RAD51B: variants seen among roughly 807,000 people sequenced by gnomAD.
RAD51B encodes DNA repair protein RAD51 homolog 2.
Under a neutral mutation model 42.2 loss-of-function variants are expected in RAD51B, and 38 were observed. That is an observed-to-expected ratio of 0.90 (90% confidence interval 0.70 to 1.18). The LOEUF is 1.18. Among genes scored for constraint, RAD51B ranks in the 50% most tolerant of loss-of-function variants. RAD51B has a pLI of 0.00. For missense variants in RAD51B, 373 were observed against 400.7 expected (o/e 0.93, Z 0.59); for synonymous variants, 154 against 145.2 (o/e 1.06, Z -0.43).
At chr14:68,616,039 A>G (rs1891818646), downstream of RAD51B, among the ~76,000 whole-genome samples, 1 of 151,440 alleles carries the variant, frequency 6.6e-6, no homozygotes, top group African/African-American at 2.4e-5. Context: ...TTGTTATTTC[A>G]TTTTATCTAG....
intron 7 of RAD51B, among the ~76,000 whole-genome samples, chr14:67,947,699 G>C (rs554433072): frequency 6.6e-6 from 1 of 152,226 alleles, no homozygotes; most frequent in South Asian, 2.1e-4. Flanking sequence ...AGAACATTCA[G>C]GCTTTAGGTG....
intron 7 of RAD51B, among the ~76,000 whole-genome samples, chr14:68,204,487 A>G (rs1162811174): frequency 6.6e-6 from 1 of 152,220 alleles, no homozygotes; most frequent in Non-Finnish European, 1.5e-5. Flanking sequence ...AAAAGTTAGA[A>G]ATATTGTGAG....
chr14:68,017,965 G>A (rs544477924), intron 7 of RAD51B, among the ~76,000 whole-genome samples: 3 of 138,226 alleles, frequency 2.2e-5, no homozygotes, highest in Admixed American at 7.1e-5. Context: ...GCAAGACTCC[G>A]TCTCGAATAA....
intron 8 of RAD51B, among the ~76,000 whole-genome samples, chr14:68,308,942 CA>C (rs1430693640): frequency 2.6e-5 from 4 of 152,090 alleles, no homozygotes; most frequent in Non-Finnish European, 2.9e-5. Context: ...AGCTCATGGA[CA>C]AAACTGAGAG....
chr14:67,892,298 C>T (rs1204577290), intron 7 of RAD51B, among the ~76,000 whole-genome samples: 1 of 152,112 alleles, frequency 6.6e-6, no homozygotes, highest in East Asian at 1.9e-4. Flanking sequence ...GTGTATCTTT[C>T]TTTTATGTAG....
intron 7 of RAD51B, among the ~76,000 whole-genome samples, chr14:68,081,411 G>A (rs577467513): frequency 2.6e-5 from 4 of 152,074 alleles, no homozygotes; most frequent in South Asian, 2.1e-4. Flanking sequence ...ACATGTGTTC[G>A]GTTCACTCGA....
At chr14:68,391,712 A>G (rs1008035629) in intron 8 of RAD51B, among the ~76,000 whole-genome samples, 1 of 151,848 alleles carries the variant, frequency 6.6e-6, no homozygotes, top group African/African-American at 2.4e-5. Context: ...CTGTATGTGG[A>G]AAAAAAATGC....
intron 7 of RAD51B, among the ~76,000 whole-genome samples, chr14:68,252,242 T>G (rs1423994214): frequency 6.6e-6 from 1 of 152,218 alleles, no homozygotes; most frequent in Admixed American, 6.5e-5. Flanking sequence ...ACGTTCTGAT[T>G]GTCTTGGAAA....
intron 4 of RAD51B, among the ~76,000 whole-genome samples, chr14:67,845,020 G>A (rs940138731): frequency 7.9e-5 from 12 of 152,276 alleles, no homozygotes; most frequent in African/African-American, 2.6e-4. Flanking sequence ...TGGGTCTCTT[G>A]AAGATGGCAC....
downstream of RAD51B, among the ~76,000 whole-genome samples, chr14:68,612,397 C>T (rs1221146921): frequency 6.6e-6 from 1 of 152,246 alleles, no homozygotes; most frequent in African/African-American, 2.4e-5. Flanking sequence ...TGTGTTTGCA[C>T]TCCAGAATCT....
chr14:68,645,240 C>A (rs1373752326), intron 10 of RAD51B, among the ~76,000 whole-genome samples: 3 of 152,200 alleles, frequency 2.0e-5, no homozygotes, highest in Non-Finnish European at 2.9e-5. Context: ...TGAGTGGAAT[C>A]ATATAGCATT....
intron 8 of RAD51B, among the ~76,000 whole-genome samples, chr14:68,366,537 T>A (rs1251267830): frequency 6.6e-6 from 1 of 152,246 alleles, no homozygotes; most frequent in East Asian, 1.9e-4. Flanking sequence ...CTCGTGTCCC[T>A]GGACTAAAGC....
chr14:68,237,933 C>G (rs1049474182), intron 7 of RAD51B, among the ~76,000 whole-genome samples: 1 of 152,032 alleles, frequency 6.6e-6, no homozygotes, highest in Non-Finnish European at 1.5e-5. Context: ...TGGTGTTTCA[C>G]CGTGTTGGCC....
At position 67,878,460 on chromosome 14, in the gene RAD51B, T is replaced by G. The variant is rs145119221; in HGVS notation, c.453-7409T>G. On this transcript the variant is annotated intron_variant, in intron 5 of 10. Coordinates refer to ENST00000471583, the MANE Select transcript of RAD51B (RefSeq NM_133510.4). ...ATTTTTTTCCTGGGCTATAATTCTA[T>G]AATTTATCTTTCAACTTTGGTTATG... Among the ~76,000 whole-genome samples the G allele has an allele frequency of 5.5e-3, 845 of 152,300 alleles. 4 individuals are homozygous for G. Among genetic ancestry groups the G allele is most frequent in the Non-Finnish European group, 8.8e-3 (597 of 68,010 alleles).
intron 7 of RAD51B, among the ~76,000 whole-genome samples, chr14:68,027,541 T>C (rs768544063): frequency 1.3e-4 from 20 of 152,218 alleles, no homozygotes; most frequent in Non-Finnish European, 2.2e-4. Context: ...TTTTTAAAAT[T>C]CTTTTTTCTT....
chr14:68,465,863 C>T (rs1181352622), intron 9 of RAD51B, among the ~76,000 whole-genome samples: 1 of 151,582 alleles, frequency 6.6e-6, no homozygotes, highest in Non-Finnish European at 1.5e-5. Flanking sequence ...ATGGTGTGAA[C>T]CCAGGAGGTG....
chr14:68,354,341 A>C (rs765744741), intron 8 of RAD51B, among the ~76,000 whole-genome samples: 1 of 149,768 alleles, frequency 6.7e-6, no homozygotes, highest in Non-Finnish European at 1.5e-5. Flanking sequence ...CTCAGCCTCC[A>C]GAGTAGCTGG....
intron 7 of RAD51B, among the ~76,000 whole-genome samples, chr14:68,099,887 A>G (rs1316279268): frequency 6.6e-6 from 1 of 152,210 alleles, no homozygotes; most frequent in Non-Finnish European, 1.5e-5. Context: ...CTGCCGAACA[A>G]CTGAGGAAAA....
chr14:68,331,066 C>T (rs992264145), intron 8 of RAD51B, among the ~76,000 whole-genome samples: 5 of 151,900 alleles, frequency 3.3e-5, no homozygotes, highest in African/African-American at 1.2e-4. Flanking sequence ...AAAAGCTATT[C>T]TAAAGAACAA....
Sources: gnomAD v4.1 joint callset for allele counts (sites outside exome capture counted in the v4.1 genomes callset) on GRCh38, gnomAD v4.1.1 for gene constraint, MANE v1.5 for transcripts, NCBI Gene and HGNC (gene_info 2026-07-23, HGNC 2026-07-21) for gene names.